The following SLC11A2 variants were observed in gnomAD, a reference collection of about 807,000 sequenced individuals.
SLC11A2 encodes solute carrier family 11 member 2.
A neutral mutation model predicts 68.0 loss-of-function variants in SLC11A2; 38 were observed. The ratio of observed to expected loss-of-function variants is 0.56; its 90% CI spans 0.43 to 0.73. SLC11A2 has a LOEUF of 0.73. SLC11A2 is among the 30% of genes least tolerant of loss of function. SLC11A2 has a pLI of 0.00. For missense variants in SLC11A2, 517 were observed against 690.5 expected (o/e 0.75, Z 2.82); for synonymous variants, 242 against 250.6 (o/e 0.97, Z 0.32).
intron 1 of SLC11A2, among the ~76,000 whole-genome samples, chr12:51,022,350 T>C (rs1283025388): frequency 1.7e-4 from 26 of 150,486 alleles, no homozygotes; most frequent in African/African-American, 5.4e-4. Flanking sequence ...GGCGGGAGGA[T>C]TGCGTGAGCC....
intron 1 of SLC11A2, among the ~76,000 whole-genome samples, chr12:51,020,208 G>A (rs912833612): frequency 4.0e-5 from 6 of 149,096 alleles, no homozygotes; most frequent in African/African-American, 1.2e-4. Flanking sequence ...CTACAGGCAC[G>A]TACCACCACA....
intron 15 of SLC11A2, among the ~76,000 whole-genome samples, chr12:50,990,366 T>C (rs1312645301): frequency 6.6e-6 from 1 of 152,220 alleles, no homozygotes; most frequent in Non-Finnish European, 1.5e-5. Context: ...TACCCTTCTT[T>C]TAGTTCCTCA....
Position 50,994,578 on chromosome 12 carries a change from T to C in SLC11A2, c.1043A>G (p.Asp348Gly). The C allele has an allele frequency of 6.2e-7, 1 of 1,613,098 alleles. No homozygotes were observed. The highest frequency in any genetic ancestry group is 1.3e-5 in the African/African-American group (1 of 75,046). Residue 348 changes from aspartate to glycine, a missense_variant, in exon 11 of 16, where the codon GAT (aspartate) becomes GGT (glycine). Coordinates refer to ENST00000262052, the MANE Select transcript of SLC11A2 (RefSeq NM_000617.3). ...GATGTCCACAGCCAGTGTCGAGTTATCTTTAGGAAAGAGGCCAGCATGAGG... is the reference window on the plus strand; with the variant it reads ...GATGTCCACAGCCAGTGTCGAGTTACCTTTAGGAAAGAGGCCAGCATGAGG... Reference protein sequence around the residue: ...SSPHAGLFPKDNSTLAVDIYK... With the variant: ...SSPHAGLFPKGNSTLAVDIYK...
intron 1 of SLC11A2, among the ~76,000 whole-genome samples, chr12:51,019,061 A>T (rs1190290302): frequency 2.0e-5 from 3 of 152,198 alleles, no homozygotes; most frequent in Non-Finnish European, 4.4e-5. Context: ...TAACTGATGA[A>T]ATAAATGCTA....
Position 50,988,347 on chromosome 12 carries a change from GCTT to G in SLC11A2, c.1661_1663del (p.Glu554del), listed in dbSNP as rs1326896823. 4 of 1,613,934 alleles carry G rather than the reference GCTT, an allele frequency of 2.5e-6. No homozygotes were observed. The African/African-American group carries it at 5.3e-5, about 22-fold the overall frequency. Reference sequence around the variant, plus strand: ...GTGTTATTTAACGTAGCCACGGGTGGCTTCTTCTGTCAGCAGGCCTTTAGAGAT... The same window carrying G: ...GTGTTATTTAACGTAGCCACGGGTGGCTTCTGTCAGCAGGCCTTTAGAGAT... On this transcript the variant is annotated inframe_deletion, in exon 16 of 16. Transcript: ENST00000262052.
At chr12:50,989,776 T>G (rs554038623) in intron 15 of SLC11A2, among the ~76,000 whole-genome samples, 2 of 152,330 alleles carry the variant, frequency 1.3e-5, no homozygotes, top group South Asian at 4.1e-4. Context: ...TGAAGTGATT[T>G]TCTTAATAAA....
chr12:51,009,069 C>T (rs1447055400), intron 2 of SLC11A2: 6 of 1,042,642 alleles, frequency 5.8e-6, no homozygotes, highest in Non-Finnish European at 8.6e-6. Flanking sequence ...AGAACTAGGC[C>T]TGTCTAGCGA....
rs1054159564 is a variant in SLC11A2 at position 50,990,954 on chromosome 12, A to G, written c.1422-6T>C. The G allele has an allele frequency of 4.3e-6, 7 of 1,613,914 alleles. No individual in the cohort carries two copies. The Admixed American group carries it at 1.2e-4, about 27-fold the overall frequency. ...CTCCTGCAATCCGCCAGCCTCTGTA[A>G]AAGAAATCAGCACAGTCACTGATGG... On this transcript the variant is annotated splice_region_variant and splice_polypyrimidine_tract_variant and intron_variant, in intron 14 of 15. Transcript: ENST00000262052.
chr12:51,011,393 G>A (rs1266163112), intron 1 of SLC11A2, among the ~76,000 whole-genome samples: 1 of 152,020 alleles, frequency 6.6e-6, no homozygotes, highest in Non-Finnish European at 1.5e-5. Context: ...CTCCCATAGT[G>A]CTGGGATTAT....
At position 50,986,271 on chromosome 12, in the gene SLC11A2, G is replaced by T; in HGVS notation, c.*2054C>A. The T allele has an allele frequency of 7.8e-7, 1 of 1,285,812 alleles. No individual in the cohort carries two copies. Among genetic ancestry groups the T allele is most frequent in the African/African-American group, 1.5e-5 (1 of 65,880 alleles). 79.7% of individuals were successfully genotyped at this position (1,285,812 alleles called of 1,614,324 possible). On this transcript the variant is annotated 3_prime_UTR_variant, in exon 16 of 16. Transcript: ENST00000262052. ...AAAACTCACTGGATATGCTGGAATT[G>T]GAGGACTTAAATTTCTACATATTAT... is the stretch of plus-strand genomic sequence containing the variant.
intron 8 of SLC11A2, 39 bp from the exon 9 acceptor site, chr12:50,997,011 C>A (rs17216044): frequency 6.4e-7 from 1 of 1,565,806 alleles, no homozygotes; most frequent in South Asian, 1.1e-5. Context: ...TTTACAGGAA[C>A]GTGAAACGGG....
At chr12:51,020,128 G>T (rs957811911) in intron 1 of SLC11A2, among the ~76,000 whole-genome samples, 2 of 150,946 alleles carry the variant, frequency 1.3e-5, no homozygotes, top group Non-Finnish European at 3.0e-5. Context: ...CCAGGCTACA[G>T]TGCAGTTGCA....
intron 5 of SLC11A2, 109 bp downstream of exon 5, chr12:51,004,679 A>AC: frequency 8.2e-7 from 1 of 1,225,400 alleles, no homozygotes; most frequent in East Asian, 2.5e-5. Context: ...AGGGCCACTG[A>AC]CCCCCAAGTC....
At chr12:50,973,180 G>A in the SLC11A2 span, among the ~76,000 whole-genome samples, 2 of 152,156 alleles carry the variant, frequency 1.3e-5, no homozygotes, top group African/African-American at 2.4e-5. Flanking sequence ...TCTGAGAACG[G>A]ACAGACTGCC....
At chr12:50,998,547 T>C (rs1941936409) in intron 8 of SLC11A2, among the ~76,000 whole-genome samples, 1 of 152,170 alleles carries the variant, frequency 6.6e-6, no homozygotes. Flanking sequence ...CCCGGTTCAG[T>C]ATTTCTCTTG....
At chr12:50,955,475 GT>G in the SLC11A2 span, among the ~76,000 whole-genome samples, 2 of 152,120 alleles carry the variant, frequency 1.3e-5, no homozygotes, top group African/African-American at 4.8e-5. Flanking sequence ...AGCCATGCCT[GT>G]TTCCTTGTGT....
intron 1 of SLC11A2, among the ~76,000 whole-genome samples, chr12:51,016,739 G>A (rs1367968887): frequency 6.7e-6 from 1 of 148,582 alleles, no homozygotes; most frequent in Non-Finnish European, 1.5e-5. Context: ...CCCAGCTACT[G>A]GGGAGGCTGA....
At chr12:50,970,597 C>T in the SLC11A2 span, 10 of 741,038 alleles carry the variant, frequency 1.3e-5, no homozygotes, top group Non-Finnish European at 1.8e-5. Context: ...AATTTTACTA[C>T]ACAAGTGTCA....
chr12:50,970,932 G>A, the SLC11A2 span, among the ~76,000 whole-genome samples: 1 of 151,938 alleles, frequency 6.6e-6, no homozygotes, highest in Non-Finnish European at 1.5e-5. Flanking sequence ...AGGCTGGAGA[G>A]CAGTGGTATA....
Sources: allele counts gnomAD v4.1 joint callset (sites outside exome capture counted in the v4.1 genomes callset), GRCh38; gene constraint gnomAD v4.1.1; transcripts MANE v1.5; gene names NCBI Gene and HGNC (gene_info 2026-07-23, HGNC 2026-07-21).